KCNAB2: variants seen among roughly 807,000 people sequenced by gnomAD.
The protein encoded by KCNAB2 is voltage-gated potassium channel subunit beta-2.
Under a neutral mutation model 63.6 loss-of-function variants are expected in KCNAB2, and 29 were observed. The ratio of observed to expected loss-of-function variants is 0.46; its 90% CI spans 0.34 to 0.62. The LOEUF (loss-of-function observed/expected upper bound fraction) is 0.62. KCNAB2 is among the 20% of genes least tolerant of loss of function. KCNAB2 has a pLI of 0.01. For missense variants in KCNAB2, 359 were observed against 563.9 expected, an observed-to-expected ratio of 0.64 and a Z score of 3.68; for synonymous variants, 222 against 224.2, an observed-to-expected ratio of 0.99 and a Z score of 0.09.
At chr1:6,046,552 C>T (rs1178164520) in intron 1 of KCNAB2, among the ~76,000 whole-genome samples, 2 of 152,172 alleles carry the variant, frequency 1.3e-5, no homozygotes, top group Non-Finnish European at 1.5e-5. Context: ...CCAGTTTTGC[C>T]CAGAGCGCTG....
intron 2 of KCNAB2, chr1:6,040,685 C>A (rs1478764534): frequency 9.8e-6 from 13 of 1,320,208 alleles, no homozygotes; most frequent in African/African-American, 1.4e-5. Context: ...CTCCCAGGGT[C>A]AGTCCTGCTT....
intron 2 of KCNAB2, among the ~76,000 whole-genome samples, chr1:6,057,687 C>T (rs1249338079): frequency 6.6e-6 from 1 of 152,208 alleles, no homozygotes; most frequent in African/African-American, 2.4e-5. Context: ...GCCATACTTC[C>T]TCCGAAGGCC....
chr1:6,062,115 C>T (rs993253630), intron 2 of KCNAB2, among the ~76,000 whole-genome samples: 1 of 151,890 alleles, frequency 6.6e-6, no homozygotes, highest in Non-Finnish European at 1.5e-5. Context: ...GAGTTCAAGA[C>T]CAGCCTGACC....
chr1:6,019,430 T>TC (rs1336176817), intron 1 of KCNAB2, among the ~76,000 whole-genome samples: 1 of 152,212 alleles, frequency 6.6e-6, no homozygotes, highest in Non-Finnish European at 1.5e-5. Context: ...CACACTGCAC[T>TC]CTCTGCTGGC....
rs878896670 is a variant in KCNAB2, at chr1:6,087,344, C to T, written c.426-123C>T. 2 of 1,049,802 alleles carry T rather than the reference C, an allele frequency of 1.9e-6. No individual in the cohort carries two copies. Among genetic ancestry groups the T allele is most frequent in the African/African-American group, 3.1e-5 (2 of 63,720 alleles). 65.0% of individuals were successfully genotyped at this position (1,049,802 alleles called of 1,614,324 possible). A position where few individuals can be genotyped will look rare whatever the true frequency, so the allele number is the denominator to read the frequency against. ...ATGATGGAGAAGTGCCCATTTCATG[C>T]CCCAGGCTCCTGGGTGGGAGGGCTT... On this transcript the variant is annotated intron_variant, in intron 6 of 15. Transcript: ENST00000378083. The surrounding 1 kb of genome is among the most constrained non-coding windows in gnomAD (Gnocchi z 6.4).
chr1:6,001,426 G>A (rs1168940437), intron 1 of KCNAB2, among the ~76,000 whole-genome samples: 3 of 152,188 alleles, frequency 2.0e-5, no homozygotes, highest in South Asian at 4.1e-4. Flanking sequence ...AGCCTCCGGG[G>A]GTGCCACTGG....
At chr1:6,044,186 A>G (rs1660734315), upstream of KCNAB2, among the ~76,000 whole-genome samples, 1 of 152,302 alleles carries the variant, frequency 6.6e-6, no homozygotes, top group African/African-American at 2.4e-5. Flanking sequence ...CACCAGTGGG[A>G]GGAGCTATAA....
chr1:6,097,498 T>C, intron 15 of KCNAB2, 141 bp downstream of exon 15: 1 of 1,446,158 alleles, frequency 6.9e-7, no homozygotes, highest in Non-Finnish European at 9.4e-7. Context: ...GTTGTGCTCC[T>C]GGAGAGCTTG....
chr1:6,067,238 G>A (rs4908756), intron 2 of KCNAB2, among the ~76,000 whole-genome samples: 1 of 152,134 alleles, frequency 6.6e-6, no homozygotes, highest in African/African-American at 2.4e-5. Flanking sequence ...AGCTAAATTA[G>A]GTCTCTGGTT....
In KCNAB2 at chr1:6,096,902, G is replaced by A. The variant is rs1024939580; in HGVS notation, c.1069+146G>A. The stretch of plus-strand genomic sequence containing the variant: ...TGGACATCATCCCCCAGCCAGCCTC[G>A]GGTAATCGGGCTCTAAGGGGCATGG... On this transcript the variant is annotated intron_variant, in intron 14 of 15. Coordinates refer to ENST00000378083, the MANE Select transcript of KCNAB2 (RefSeq NM_001199862.2). The surrounding 1 kb of genome is among the most constrained non-coding windows in gnomAD (Gnocchi z 5.9). 1.3e-4 allele frequency: 145 copies of A among 1,152,018 alleles called. 1 individual carries two copies. The Admixed American group carries it at 3.3e-3, about 26-fold the overall frequency. 71.4% of individuals were successfully genotyped at this position (1,152,018 alleles called of 1,614,324 possible).
chr1:6,091,067 T>C lies in KCNAB2; in HGVS notation c.602-196T>C, dbSNP rs913227526. Among the ~76,000 whole-genome samples the C allele has an allele frequency of 8.5e-5, 13 of 152,352 alleles. No individual in the cohort carries two copies. In the South Asian group the frequency reaches 2.7e-3, roughly 32 times the overall value. On this transcript the variant is annotated intron_variant, in intron 9 of 15. Coordinates refer to ENST00000378083, the MANE Select transcript of KCNAB2 (RefSeq NM_001199862.2). The stretch of plus-strand genomic sequence containing the variant: ...CTGCTGCAGGGACTTGAAAGTTAAA[T>C]TGTGTTCCAGTTATTGTTTTTTATT...
intron 2 of KCNAB2, among the ~76,000 whole-genome samples, chr1:6,068,886 G>A (rs987020459): frequency 6.6e-6 from 1 of 152,200 alleles, no homozygotes; most frequent in Non-Finnish European, 1.5e-5. Flanking sequence ...AACTAAAGGT[G>A]CATGGCCAGT....
chr1:6,024,036 G>T lies in KCNAB2; in HGVS notation c.-52-16481G>T, dbSNP rs1658998538. ...GGCTCACTGCGACCTCCGCCTCCTG[G>T]GTTCAAGCAATTCTCCTGCCTCAGC... On this transcript the variant is annotated intron_variant, in intron 1 of 16. Coordinates refer to the KCNAB2 transcript ENST00000341524. This position sits in a 1 kb window ranked among gnomAD's most constrained non-coding sequence, Gnocchi z 5.4. Among the ~76,000 whole-genome samples the T allele has an allele frequency of 6.6e-6, 1 of 152,018 alleles. No homozygotes were observed. Among genetic ancestry groups the T allele is most frequent in the South Asian group, 2.1e-4 (1 of 4,810 alleles).
chr1:6,007,607 C>T (rs914589040), intron 1 of KCNAB2: 1 of 152,490 alleles, frequency 6.6e-6, no homozygotes, highest in African/African-American at 2.4e-5. Context: ...GTGGCCCCAT[C>T]CCCCTGTGTG....
At chr1:6,056,884 C>T (rs991789213) in intron 2 of KCNAB2, among the ~76,000 whole-genome samples, 11 of 151,942 alleles carry the variant, frequency 7.2e-5, no homozygotes, top group Non-Finnish European at 2.9e-5. Flanking sequence ...CCACTCTAAA[C>T]AAGCACCTAT....
At chr1:6,027,231 TG>T (rs1659255392) in intron 1 of KCNAB2, 1 of 8,782 alleles carries the variant, frequency 1.1e-4, no homozygotes, top group Non-Finnish European at 2.0e-4. Flanking sequence ...TGTGTGTGTG[TG>T]TGTGTGTGTG....
chr1:5,996,228 G>A (rs968434198), intron 1 of KCNAB2: 2 of 152,910 alleles, frequency 1.3e-5, no homozygotes, highest in African/African-American at 4.8e-5. Context: ...CCACTGGCTC[G>A]AGGCTTTCCT....
chr1:5,996,803 T>C (rs557270540), intron 1 of KCNAB2, among the ~76,000 whole-genome samples: 2 of 152,244 alleles, frequency 1.3e-5, no homozygotes, highest in Admixed American at 6.5e-5. Flanking sequence ...GCAGCCGAGA[T>C]CTATCATCCA....
chr1:6,072,844 G>C (rs1383205501), intron 3 of KCNAB2, 46 bp downstream of exon 3: 3 of 1,597,950 alleles, frequency 1.9e-6, no homozygotes, highest in East Asian at 2.2e-5. Flanking sequence ...ACAGGCTGTG[G>C]GGAGGCCGGG....
Sources: gnomAD v4.1 joint callset for allele counts (sites outside exome capture counted in the v4.1 genomes callset) on GRCh38, gnomAD v4.1.1 for gene constraint, Gnocchi (gnomAD v3.1) non-coding constraint, MANE v1.5 for transcripts, NCBI Gene and HGNC (gene_info 2026-07-23, HGNC 2026-07-21) for gene names.